Variants in CSMD1 observed in about 807,000 individuals in gnomAD.
CSMD1 encodes the protein CUB and Sushi multiple domains 1, also known as CUB and sushi domain-containing protein 1.
In CSMD1, 213 loss-of-function variants were observed where a neutral mutation model predicts 417.5. The ratio of observed to expected loss-of-function variants is 0.51; its 90% confidence interval spans 0.46 to 0.57. The LOEUF (loss-of-function observed/expected upper bound fraction) is 0.57. Among genes scored for constraint, CSMD1 ranks in the 20% least tolerant of loss-of-function variants. The pLI, the probability that CSMD1 is intolerant of heterozygous loss-of-function variation, is 0.00. For synonymous variants in CSMD1, 2,862 were observed against 1,736.8 expected (o/e 1.65, Z -16.11); for missense variants, 6,923 against 4,529.7 (o/e 1.53, Z -15.17).
intron 1 of CSMD1, among the ~76,000 whole-genome samples, chr8:4,958,625 A>C (rs1361216168): frequency 6.6e-6 from 1 of 152,168 alleles, no homozygotes; most frequent in Non-Finnish European, 1.5e-5. Flanking sequence ...TAAGCTATTC[A>C]AGTATGGGAT....
rs142656766 is a variant in CSMD1, at chr8:4,043,109, G to A, written c.416-11010C>T. Among the ~76,000 whole-genome samples the A allele has an allele frequency of 8.5e-5, 13 of 152,072 alleles. No individual in the cohort carries two copies. The East Asian group carries it at 2.1e-3, about 25-fold the overall frequency. On this transcript the variant is annotated intron_variant, in intron 3 of 69. Coordinates refer to ENST00000635120, the MANE Select transcript of CSMD1 (RefSeq NM_033225.6). Reference sequence around the variant, plus strand: ...ATTGCACCACTGCACTTCCAGCCTGGGTGAGACAGTGAGACTCTGTCTACA... The same window carrying A: ...ATTGCACCACTGCACTTCCAGCCTGAGTGAGACAGTGAGACTCTGTCTACA...
intron 54 of CSMD1, among the ~76,000 whole-genome samples, chr8:2,987,629 CAT>C (rs1806036792): frequency 6.6e-6 from 1 of 152,194 alleles, no homozygotes; most frequent in South Asian, 2.1e-4. Flanking sequence ...GAAATGAACA[CAT>C]GACTTTTAAG....
chr8:4,586,451 A>G (rs950112490), intron 2 of CSMD1, among the ~76,000 whole-genome samples: 3 of 152,330 alleles, frequency 2.0e-5, no homozygotes, highest in Admixed American at 1.3e-4. Flanking sequence ...TTTCAAATTC[A>G]TAACTGTGAT....
chr8:4,355,306 TACACACAC>T lies in CSMD1; in HGVS notation c.415+64639_415+64646del, dbSNP rs66981171. Among the ~76,000 whole-genome samples, 8 of 140,090 alleles carry T rather than the reference TACACACAC, an allele frequency of 5.7e-5. No homozygotes were observed. The South Asian group carries it at 1.8e-3, about 31-fold the overall frequency. The allele number at this position is 140,090 out of a possible 152,430, so 91.9% of individuals were successfully genotyped here. On this transcript the variant is annotated intron_variant, in intron 3 of 69. Coordinates refer to ENST00000635120, the MANE Select transcript of CSMD1 (RefSeq NM_033225.6). ...GTGGACACAGGAACAAACCACTTCA[TACACACAC>T]ACACACACACGCACACACACACACG... is the stretch of plus-strand genomic sequence containing the variant.
intron 12 of CSMD1, among the ~76,000 whole-genome samples, chr8:3,414,446 G>T (rs188139271): frequency 9.4e-4 from 143 of 152,172 alleles, no homozygotes; most frequent in African/African-American, 3.3e-3. Flanking sequence ...ATGCCATGTT[G>T]TGCCTCAGTT....
intron 68 of CSMD1, among the ~76,000 whole-genome samples, chr8:2,946,200 G>A (rs369233016): frequency 7.9e-5 from 12 of 152,242 alleles, no homozygotes; most frequent in Middle Eastern, 3.4e-3. Context: ...GTGCATATGC[G>A]ATCTTTTGTT....
At chr8:3,392,373 T>C (rs1811403691) in intron 17 of CSMD1, among the ~76,000 whole-genome samples, 1 of 152,188 alleles carries the variant, frequency 6.6e-6, no homozygotes, top group Non-Finnish European at 1.5e-5. Context: ...GTAATCATTT[T>C]CTAGTGCCTG....
intron 1 of CSMD1, among the ~76,000 whole-genome samples, chr8:4,784,950 A>G (rs1240397406): frequency 6.7e-6 from 1 of 149,820 alleles, no homozygotes; most frequent in Admixed American, 6.6e-5. Context: ...AATTAGGCTC[A>G]TAAGTGGTAA....
intron 1 of CSMD1, among the ~76,000 whole-genome samples, chr8:4,652,698 C>T (rs1803976842): frequency 6.6e-6 from 1 of 152,038 alleles, no homozygotes; most frequent in South Asian, 2.1e-4. Flanking sequence ...GCCATCAGGG[C>T]AATCCCAAGC....
intron 7 of CSMD1, among the ~76,000 whole-genome samples, chr8:3,668,472 T>A (rs1585045302): frequency 6.6e-6 from 1 of 151,972 alleles, no homozygotes; most frequent in Admixed American, 6.6e-5. Context: ...ATGATAGAGT[T>A]TGGGGGATAT....
At chr8:3,317,080 A>G (rs1004105061) in intron 23 of CSMD1, among the ~76,000 whole-genome samples, 1 of 152,084 alleles carries the variant, frequency 6.6e-6, no homozygotes, top group Non-Finnish European at 1.5e-5. Context: ...TAGATGATAG[A>G]TGGGGTCTGT....
At chr8:3,386,106 C>A (rs74557663) in intron 18 of CSMD1, among the ~76,000 whole-genome samples, 1 of 152,142 alleles carries the variant, frequency 6.6e-6, no homozygotes, top group Non-Finnish European at 1.5e-5. Context: ...GGTGCTTACA[C>A]CATATTCCCT....
chr8:4,113,574 T>A (rs1400518344), intron 3 of CSMD1, among the ~76,000 whole-genome samples: 1 of 151,996 alleles, frequency 6.6e-6, no homozygotes, highest in East Asian at 1.9e-4. Flanking sequence ...CTGGCTAATT[T>A]TCTGTTATTT....
intron 26 of CSMD1, among the ~76,000 whole-genome samples, chr8:3,255,217 C>T (rs780195067): frequency 1.3e-5 from 2 of 152,006 alleles, no homozygotes; most frequent in African/African-American, 2.4e-5. Flanking sequence ...TGCTGCCTGA[C>T]CATTCCTCTG....
At chr8:4,555,141 A>G (rs2130584548) in intron 2 of CSMD1, among the ~76,000 whole-genome samples, 1 of 152,354 alleles carries the variant, frequency 6.6e-6, no homozygotes, top group South Asian at 2.1e-4. Flanking sequence ...GATGTGAAAT[A>G]TGATCACTTT....
chr8:4,191,260 G>A (rs1584992689), intron 3 of CSMD1, among the ~76,000 whole-genome samples: 1 of 151,996 alleles, frequency 6.6e-6, no homozygotes, highest in Non-Finnish European at 1.5e-5. Context: ...GCAGGGCATG[G>A]TGGCAGGCAC....
At chr8:3,150,506 G>C (rs1205573784) in intron 40 of CSMD1, among the ~76,000 whole-genome samples, 1 of 152,224 alleles carries the variant, frequency 6.6e-6, no homozygotes, top group East Asian at 1.9e-4. Context: ...CCTGGGCACA[G>C]ATTCTAAAAG....
intron 5 of CSMD1, among the ~76,000 whole-genome samples, chr8:3,918,402 G>C (rs1808979999): frequency 6.6e-6 from 1 of 151,990 alleles, no homozygotes; most frequent in Non-Finnish European, 1.5e-5. Context: ...AATATCACGT[G>C]ATATATTCTT....
At chr8:3,545,501 G>C (rs114633426) in intron 10 of CSMD1, among the ~76,000 whole-genome samples, 1 of 152,152 alleles carries the variant, frequency 6.6e-6, no homozygotes, top group Non-Finnish European at 1.5e-5. Flanking sequence ...GAAGAGGTGA[G>C]TGATAAAGAA....
Sources: allele counts gnomAD v4.1 joint callset (sites outside exome capture counted in the v4.1 genomes callset), GRCh38; gene constraint gnomAD v4.1.1; transcripts MANE v1.5; gene names NCBI Gene and HGNC (gene_info 2026-07-23, HGNC 2026-07-21).